The following GAREM1 variants were observed in gnomAD, a reference collection of about 807,000 sequenced individuals.
GAREM1 encodes the protein GRB2 associated regulator of MAPK1 subtype 1.
Under a neutral mutation model 71.3 loss-of-function variants are expected in GAREM1, and 26 were observed. The ratio of observed to expected loss-of-function variants is 0.36; its 90% CI spans 0.27 to 0.51. The LOEUF (loss-of-function observed/expected upper bound fraction) is 0.51. Among genes scored for constraint, GAREM1 ranks in the 20% least tolerant of loss-of-function variants. The pLI, the probability that GAREM1 is intolerant of heterozygous loss-of-function variation, is 0.95. For synonymous variants in GAREM1, 440 were observed against 433.2 expected (o/e 1.02, Z -0.20); for missense variants, 1,026 against 1,103.1 (o/e 0.93, Z 0.99).
chr18:32,364,027 T>TG (rs55776564), intron 2 of GAREM1, among the ~76,000 whole-genome samples: 1 of 66,574 alleles, frequency 1.5e-5, no homozygotes, highest in African/African-American at 9.5e-5. Context: ...TATATATATA[T>TG]GTTTTTTTTT....
intron 2 of GAREM1, among the ~76,000 whole-genome samples, chr18:32,364,016 ATATATATATATGTTTTTTTTT>A (rs2047899151): frequency 8.1e-5 from 4 of 49,138 alleles, no homozygotes; most frequent in African/African-American, 4.9e-4. Context: ...ATATATATAT[ATATATATATATGTTTTTTTTT>A]TTTTTTTTTT....
intron 2 of GAREM1, among the ~76,000 whole-genome samples, chr18:32,369,038 G>A (rs1047218106): frequency 2.0e-5 from 3 of 152,150 alleles, no homozygotes; most frequent in Non-Finnish European, 4.4e-5. Flanking sequence ...CTGAACTGTC[G>A]TGGCATACAA....
At chr18:32,301,210 C>T (rs925546012) in intron 3 of GAREM1, among the ~76,000 whole-genome samples, 1 of 152,158 alleles carries the variant, frequency 6.6e-6, no homozygotes, top group Non-Finnish European at 1.5e-5. Context: ...GTATCTTTAA[C>T]ACTGCTTCAA....
chr18:32,402,920 TTCTTTTTCTTTTATTGAGACAGAG>T (rs1273517132), intron 1 of GAREM1, among the ~76,000 whole-genome samples: 1 of 152,104 alleles, frequency 6.6e-6, no homozygotes, highest in Non-Finnish European at 1.5e-5. Context: ...TTTTCTTTCC[TTCTTTTTCTTTTATTGAGACAGAG>T]TCTTGCTCTG....
At chr18:32,368,509 T>C (rs1398883691) in intron 2 of GAREM1, among the ~76,000 whole-genome samples, 3 of 152,158 alleles carry the variant, frequency 2.0e-5, no homozygotes, top group African/African-American at 4.8e-5. Flanking sequence ...GGGTTCAAGA[T>C]TTCTTCAGTT....
In GAREM1 at chr18:32,287,354, G is replaced by C; in HGVS notation, c.1243C>G (p.Pro415Ala). Residue 415 changes from proline to alanine, a missense_variant, in exon 4 of 6, where the codon CCC (proline) becomes GCC (alanine). This residue lies in a region of GAREM1 where 636 missense variants were observed against 631.2 expected (regional missense o/e 1.01). Coordinates refer to ENST00000269209, the MANE Select transcript of GAREM1 (RefSeq NM_001242409.2). This position sits in a 1 kb window ranked among gnomAD's most constrained non-coding sequence, Gnocchi z 5.9. Reference protein sequence around the residue: ...GCRDLGGDWAPFPHDILPYQD... With the variant: ...GCRDLGGDWAAFPHDILPYQD... ...TAGGGCAGGATGTCATGAGGAAAGG[G>C]AGCCCAATCTCCCCCCAGGTCCCTG... 1 of 1,614,172 alleles carries C rather than the reference G, an allele frequency of 6.2e-7. No individual in the cohort carries two copies. The highest frequency in any genetic ancestry group is 1.1e-5 in the South Asian group (1 of 91,076).
chr18:32,286,104 C>T (rs566982875), intron 4 of GAREM1, among the ~76,000 whole-genome samples: 3 of 152,330 alleles, frequency 2.0e-5, no homozygotes, highest in South Asian at 4.1e-4. Context: ...CTTAATACCT[C>T]TAGCCCTTTC....
Position 32,270,266 on chromosome 18 carries a change from G to C in GAREM1, c.1684C>G (p.Arg562Gly). 1 of 1,614,028 alleles carries C rather than the reference G, an allele frequency of 6.2e-7. No individual in the cohort carries two copies. Among genetic ancestry groups the C allele is most frequent in the Non-Finnish European group, 8.5e-7 (1 of 1,179,976 alleles). The change falls in exon 5 of 6, where the codon CGC becomes GGC. Residue 562 changes from arginine (R) to glycine (G), a missense_variant. Coordinates refer to ENST00000269209, the MANE Select transcript of GAREM1 (RefSeq NM_001242409.2). ...TAGGACAAGGTGGGGCTGGGAGAGC[G>C]AGTCTGTTGCCGCGCTGGCTTGACT... ...RTVKPARQQT[R>G]SPSPTLSYYS...
intron 2 of GAREM1, among the ~76,000 whole-genome samples, chr18:32,321,509 T>C (rs940423259): frequency 6.6e-6 from 1 of 152,192 alleles, no homozygotes; most frequent in Admixed American, 6.5e-5. Flanking sequence ...TCAACCTTTC[T>C]CTCTAGCAGG....
At chr18:32,381,248 T>C (rs1261819773) in intron 2 of GAREM1, among the ~76,000 whole-genome samples, 1 of 152,164 alleles carries the variant, frequency 6.6e-6, no homozygotes, top group Non-Finnish European at 1.5e-5. Flanking sequence ...TCTGACAAGA[T>C]AGGAAACATC....
intron 1 of GAREM1, among the ~76,000 whole-genome samples, chr18:32,445,848 C>G (rs980249238): frequency 1.3e-5 from 2 of 152,026 alleles, no homozygotes; most frequent in African/African-American, 4.8e-5. Context: ...AAACTAAATT[C>G]ATTTTTCTGG....
chr18:32,364,024 A>ATATATATATATATATATATT (rs2047901592), intron 2 of GAREM1, among the ~76,000 whole-genome samples: 1 of 52,188 alleles, frequency 1.9e-5, no homozygotes, highest in Non-Finnish European at 3.1e-5. Context: ...ATATATATAT[A>ATATATATATATATATATATT]TATGTTTTTT....
intron 2 of GAREM1, among the ~76,000 whole-genome samples, chr18:32,363,396 G>T (rs1329548272): frequency 6.6e-6 from 1 of 152,112 alleles, no homozygotes; most frequent in Non-Finnish European, 1.5e-5. Context: ...TAAATATGCT[G>T]TCATAATTGT....
chr18:32,274,929 G>A (rs9962307), intron 4 of GAREM1, among the ~76,000 whole-genome samples: 12,359 of 150,546 alleles, frequency 0.082, 1,156 homozygotes, highest in African/African-American at 0.23. Flanking sequence ...AGAATGCCTG[G>A]TAGGTGTTAA....
chr18:32,310,666 T>C (rs1327823062), intron 2 of GAREM1, among the ~76,000 whole-genome samples: 2 of 152,198 alleles, frequency 1.3e-5, no homozygotes, highest in African/African-American at 2.4e-5. Context: ...AAGTTAAACA[T>C]TGAAGTTACC....
chr18:32,429,694 A>C (rs1391403791), intron 1 of GAREM1, among the ~76,000 whole-genome samples: 1 of 152,206 alleles, frequency 6.6e-6, no homozygotes, highest in Non-Finnish European at 1.5e-5. Flanking sequence ...GCTTGATACC[A>C]TTTTAATCTA....
At chr18:32,293,080 T>C (rs919026570) in intron 3 of GAREM1, among the ~76,000 whole-genome samples, 5 of 152,000 alleles carry the variant, frequency 3.3e-5, no homozygotes, top group African/African-American at 4.8e-5. Context: ...GGATTGAAAT[T>C]AGAGGTATCT....
intron 2 of GAREM1, among the ~76,000 whole-genome samples, chr18:32,342,086 G>T (rs577501495): frequency 6.6e-6 from 1 of 152,212 alleles, no homozygotes; most frequent in East Asian, 1.9e-4. Context: ...AATAATTATT[G>T]CTATTTACTT....
intron 1 of GAREM1, among the ~76,000 whole-genome samples, chr18:32,447,265 T>G (rs545588851): frequency 6.8e-6 from 1 of 147,354 alleles, no homozygotes; most frequent in Admixed American, 6.8e-5. Flanking sequence ...AATTTAAGAC[T>G]ATTTTTCTGG....
Sources: allele counts gnomAD v4.1 joint callset (sites outside exome capture counted in the v4.1 genomes callset), GRCh38; gene constraint gnomAD v4.1.1; regional missense constraint gnomAD v4.1.1; non-coding constraint Gnocchi (gnomAD v3.1); transcripts MANE v1.5; gene names NCBI Gene and HGNC (gene_info 2026-07-23, HGNC 2026-07-21).